CACNA1A: variants seen among roughly 807,000 people sequenced by gnomAD.
The protein encoded by CACNA1A is voltage-dependent P/Q-type calcium channel subunit alpha-1A.
CACNA1A carries 57 observed loss-of-function variants against 262.4 expected under a neutral mutation model. The ratio of observed to expected loss-of-function variants is 0.22; its 90% CI spans 0.18 to 0.27. CACNA1A has a LOEUF of 0.27. CACNA1A is among the 10% of genes least tolerant of loss of function. The pLI is 1.00. For missense variants in CACNA1A, 2,526 were observed against 3,562.8 expected, an observed-to-expected ratio of 0.71 and a Z score of 7.41; for synonymous variants, 1,431 against 1,419.3, an observed-to-expected ratio of 1.01 and a Z score of -0.18.
At chr19:13,390,370 C>T (rs1273623053) in intron 3 of CACNA1A, among the ~76,000 whole-genome samples, 1 of 152,178 alleles carries the variant, frequency 6.6e-6, no homozygotes, top group Non-Finnish European at 1.5e-5. Flanking sequence ...CCTTGGCCTT[C>T]CAAAGCACTG....
chr19:13,320,391 C>A (rs929081120), intron 10 of CACNA1A, among the ~76,000 whole-genome samples: 3 of 152,184 alleles, frequency 2.0e-5, no homozygotes, highest in Admixed American at 6.5e-5. Flanking sequence ...AAACTGGAGA[C>A]AACCACACTT....
chr19:13,439,406 CTTTTTTT>C (rs34228712), intron 3 of CACNA1A, among the ~76,000 whole-genome samples: 2 of 127,304 alleles, frequency 1.6e-5, no homozygotes, highest in African/African-American at 2.9e-5. Context: ...CTTCTTTTTT[CTTTTTTT>C]TTTTTTGACG....
Position 13,245,218 on chromosome 19 carries a change from C to T in CACNA1A, c.4914G>A (p.Leu1638=), listed in dbSNP as rs2056194710. ...TCACGAGGATATCGGTGATGCTGCC[C>T]AGAACAGTCACAAAGTCGAAGATGT... ...AWNIFDFVTV[L]GSITDILVTE... Residue 1638 remains leucine, a synonymous_variant, in exon 31 of 47, where the codon CTG becomes CTA. Transcript: ENST00000360228. 2 of 1,613,850 alleles carry T rather than the reference C, an allele frequency of 1.2e-6. No individual in the cohort carries two copies. The highest frequency in any genetic ancestry group is 1.7e-6 in the Non-Finnish European group (2 of 1,179,858).
intron 38 of CACNA1A, among the ~76,000 whole-genome samples, chr19:13,218,314 G>A (rs553082715): frequency 6.6e-6 from 1 of 152,214 alleles, no homozygotes; most frequent in African/African-American, 2.4e-5. Flanking sequence ...TGGGCCACGT[G>A]GTATCAGTTT....
intron 6 of CACNA1A, among the ~76,000 whole-genome samples, chr19:13,346,815 G>T (rs1473735116): frequency 6.7e-6 from 1 of 148,292 alleles, no homozygotes; most frequent in Non-Finnish European, 1.5e-5. Flanking sequence ...AAGTAGCTGG[G>T]ACTACAGGCG....
rs2054581149 is a variant in CACNA1A at position 13,206,750 on chromosome 19, TGTGTGTCTGAGAACGTGTGTGG to T, written c.*541_*562del. On this transcript the variant is annotated 3_prime_UTR_variant, in exon 47 of 47. Transcript: ENST00000360228. ...TTGGTATAACCGGCAAGCACTCTTG[TGTGTGTCTGAGAACGTGTGTGG>T]GTGTGAGTGTGTCTGGTGGTGGGTG... The T allele has an allele frequency of 6.5e-6, 1 of 154,196 alleles. No homozygotes were observed. Among genetic ancestry groups the T allele is most frequent in the Non-Finnish European group, 1.5e-5 (1 of 68,208 alleles). The allele number at this position is 154,196 out of a possible 1,614,324, so 9.6% of individuals were successfully genotyped here. A position where few individuals can be genotyped will look rare whatever the true frequency, so the allele number is the denominator to read the frequency against.
chr19:13,470,504 T>C (rs932785332), intron 1 of CACNA1A, among the ~76,000 whole-genome samples: 21 of 152,254 alleles, frequency 1.4e-4, no homozygotes, highest in African/African-American at 4.8e-4. Flanking sequence ...TCTCTAAATG[T>C]TGGTCTTCCC....
At chr19:13,224,524 C>T in intron 38 of CACNA1A, 143 bp downstream of exon 38, 1 of 626,110 alleles carries the variant, frequency 1.6e-6, no homozygotes, top group South Asian at 2.1e-5. Context: ...CCCCAAACCC[C>T]AAAAAACCCT....
chr19:13,457,923 T>C (rs562235240), intron 1 of CACNA1A, among the ~76,000 whole-genome samples: 1 of 150,974 alleles, frequency 6.6e-6, no homozygotes, highest in East Asian at 1.9e-4. Flanking sequence ...GAAAACATTA[T>C]GCCAAGCGAA....
intron 31 of CACNA1A, among the ~76,000 whole-genome samples, chr19:13,237,577 G>C (rs776896575): frequency 4.6e-5 from 7 of 152,132 alleles, no homozygotes; most frequent in Non-Finnish European, 8.8e-5. Context: ...GAGGCCTCTG[G>C]GTTTGATGGC....
At chr19:13,317,014 C>G (rs1440090269) in intron 11 of CACNA1A, 98 bp downstream of exon 11, 3 of 749,966 alleles carry the variant, frequency 4.0e-6, no homozygotes, top group Non-Finnish European at 6.7e-6. Flanking sequence ...TCAATGAGGA[C>G]CAAAGAAGAT....
At chr19:13,373,849 T>C (rs201023577) in intron 3 of CACNA1A, among the ~76,000 whole-genome samples, 1 of 152,202 alleles carries the variant, frequency 6.6e-6, no homozygotes, top group South Asian at 2.1e-4. Flanking sequence ...GAGTGACATA[T>C]GAGACTATCC....
chr19:13,288,011 C>T (rs774412115), intron 19 of CACNA1A, among the ~76,000 whole-genome samples: 1 of 152,072 alleles, frequency 6.6e-6, no homozygotes, highest in Non-Finnish European at 1.5e-5. Context: ...CTATGTTGCC[C>T]AGGGTGGTCT....
chr19:13,347,536 T>G (rs1435174785), intron 6 of CACNA1A, among the ~76,000 whole-genome samples: 1 of 152,204 alleles, frequency 6.6e-6, no homozygotes, highest in Admixed American at 6.5e-5. Context: ...TAACGTTTAA[T>G]TGGCCCACAG....
chr19:13,219,240 C>T (rs2055131746), intron 38 of CACNA1A, among the ~76,000 whole-genome samples: 1 of 150,918 alleles, frequency 6.6e-6, no homozygotes, highest in Non-Finnish European at 1.5e-5. Context: ...CAGGGTTTCA[C>T]CATGTTGGTC....
At chr19:13,400,299 C>A (rs934875323) in intron 3 of CACNA1A, among the ~76,000 whole-genome samples, 6 of 152,108 alleles carry the variant, frequency 3.9e-5, no homozygotes, top group African/African-American at 1.4e-4. Context: ...TTGACTTTTG[C>A]AGGATGAATT....
chr19:13,225,092 G>A, intron 37 of CACNA1A: 1 of 261,906 alleles, frequency 3.8e-6, no homozygotes. Context: ...CTTCTGGATG[G>A]CCCCGTTTCA....
intron 31 of CACNA1A, among the ~76,000 whole-genome samples, chr19:13,238,655 G>A (rs1021942029): frequency 6.6e-6 from 1 of 150,632 alleles, no homozygotes; most frequent in African/African-American, 2.4e-5. Context: ...GCACGACCTC[G>A]GCTCACTGCA....
chr19:13,469,345 T>C (rs1308359730), intron 1 of CACNA1A, among the ~76,000 whole-genome samples: 1 of 151,908 alleles, frequency 6.6e-6, no homozygotes, highest in Non-Finnish European at 1.5e-5. Context: ...AGGATGTCCC[T>C]ACCTCTTCAT....
Sources: allele counts gnomAD v4.1 joint callset (sites outside exome capture counted in the v4.1 genomes callset), GRCh38; gene constraint gnomAD v4.1.1; transcripts MANE v1.5; gene names NCBI Gene and HGNC (gene_info 2026-07-23, HGNC 2026-07-21).